ASAP3: variants seen among roughly 807,000 people sequenced by gnomAD.
ASAP3 encodes arf-GAP with SH3 domain, ANK repeat and PH domain-containing protein 3.
ASAP3 carries 85 observed loss-of-function variants against 118.2 expected under a neutral mutation model. That is an observed-to-expected ratio of 0.72 (90% CI 0.60 to 0.86). The LOEUF (loss-of-function observed/expected upper bound fraction) is 0.86. Among genes scored for constraint, ASAP3 ranks in the 40% least tolerant of loss-of-function variants. The pLI, the probability that ASAP3 is intolerant of heterozygous loss-of-function variation, is 0.00. For synonymous variants in ASAP3, 432 were observed against 477.4 expected (o/e 0.90, Z 1.24); for missense variants, 1,026 against 1,175.0 (o/e 0.87, Z 1.85).
chr1:23,480,664 T>C (rs766044488), intron 1 of ASAP3, among the ~76,000 whole-genome samples: 13 of 152,234 alleles, frequency 8.5e-5, no homozygotes, highest in Non-Finnish European at 1.6e-4. Flanking sequence ...ATGTCCTTAG[T>C]GTCCTTTATG....
Position 23,460,229 on chromosome 1 carries a change from G to A in ASAP3, c.130-4035C>T, listed in dbSNP as rs185618034. Among the ~76,000 whole-genome samples, 19 of 152,224 alleles carry A rather than the reference G, an allele frequency of 1.2e-4. No individual in the cohort carries two copies. The East Asian group carries it at 2.5e-3, about 20-fold the overall frequency. On this transcript the variant is annotated intron_variant, in intron 1 of 24. Coordinates refer to ENST00000336689, the MANE Select transcript of ASAP3 (RefSeq NM_017707.4). ...CACCAAATACTGGCAAAGGGAGGCC[G>A]GGCACGGTGGTTCACGCCTATAATC...
At chr1:23,446,744 G>C (rs143334769) in intron 5 of ASAP3, among the ~76,000 whole-genome samples, 11 of 152,122 alleles carry the variant, frequency 7.2e-5, no homozygotes, top group African/African-American at 2.7e-4. Context: ...AGCCCAATTT[G>C]TAAGTTTTAA....
intron 1 of ASAP3, among the ~76,000 whole-genome samples, chr1:23,482,136 A>C (rs769166308): frequency 9.9e-5 from 15 of 152,254 alleles, no homozygotes; most frequent in Non-Finnish European, 2.2e-4. Context: ...AAATGAGACA[A>C]GGTGAGGCTC....
intron 22 of ASAP3, 41 bp downstream of exon 22, chr1:23,433,036 T>C (rs752738972): frequency 6.2e-7 from 1 of 1,610,596 alleles, no homozygotes; most frequent in South Asian, 1.1e-5. Context: ...AGGTCCTCTG[T>C]GAATGGCATG....
intron 5 of ASAP3, among the ~76,000 whole-genome samples, chr1:23,447,447 G>A (rs556170998): frequency 2.6e-4 from 40 of 152,244 alleles, no homozygotes; most frequent in Admixed American, 7.8e-4. Flanking sequence ...AAAAACTGCC[G>A]GAATTACTTT....
At chr1:23,439,770 A>AAT (rs1169189170) in intron 10 of ASAP3, among the ~76,000 whole-genome samples, 2 of 152,178 alleles carry the variant, frequency 1.3e-5, no homozygotes, top group African/African-American at 4.8e-5. Flanking sequence ...TAGAAACATG[A>AAT]ATATATCCCA....
At chr1:23,450,753 G>A (rs905552139) in intron 5 of ASAP3, among the ~76,000 whole-genome samples, 2 of 152,074 alleles carry the variant, frequency 1.3e-5, no homozygotes, top group Non-Finnish European at 2.9e-5. Flanking sequence ...TTGGCAAAAT[G>A]CAAGAGAAAA....
rs114552291 is a variant in ASAP3, at chr1:23,437,335, C to T, written c.1152-15G>A. 2.0e-5 allele frequency: 32 copies of T among 1,608,582 alleles called. No homozygotes were observed. The Admixed American group carries it at 2.2e-4, about 11-fold the overall frequency. ...CTGACACCCACCTGCGGAGATTGAA[C>T]GGGGTGGGATGGGGATGTCAAGTGG... On this transcript the variant is annotated splice_polypyrimidine_tract_variant and intron_variant, in intron 13 of 24. Transcript: ENST00000336689. The surrounding 1 kb of genome is among the most constrained non-coding windows in gnomAD (Gnocchi z 6.1).
At chr1:23,456,252 T>C in intron 1 of ASAP3, 58 bp from the exon 2 acceptor site, 1 of 1,517,628 alleles carries the variant, frequency 6.6e-7, no homozygotes, top group Non-Finnish European at 9.1e-7. Flanking sequence ...GGTGCTTCCT[T>C]CAGGAACGCT....
chr1:23,456,786 T>G (rs372343962), intron 1 of ASAP3, among the ~76,000 whole-genome samples: 1 of 152,206 alleles, frequency 6.6e-6, no homozygotes, highest in South Asian at 2.1e-4. Flanking sequence ...GCCAGGATGC[T>G]ATGGGTGAGC....
At chr1:23,455,202 C>T (rs1050180945) in intron 3 of ASAP3, among the ~76,000 whole-genome samples, 1 of 152,180 alleles carries the variant, frequency 6.6e-6, no homozygotes, top group Non-Finnish European at 1.5e-5. Flanking sequence ...AAGGTGGAGA[C>T]AACAGTCACA....
chr1:23,483,704 G>C (rs1339610473), intron 1 of ASAP3, among the ~76,000 whole-genome samples: 8 of 152,244 alleles, frequency 5.3e-5, no homozygotes. Context: ...GAGGCTGGAA[G>C]GCGCTAGGCA....
chr1:23,482,765 G>T (rs533865432), intron 1 of ASAP3, among the ~76,000 whole-genome samples: 1 of 151,896 alleles, frequency 6.6e-6, no homozygotes, highest in Non-Finnish European at 1.5e-5. Flanking sequence ...TGGCTAACAC[G>T]GTGAAACCCC....
chr1:23,468,335 G>C lies in ASAP3; in HGVS notation c.130-12141C>G, dbSNP rs1321989411. Among the ~76,000 whole-genome samples, 9 of 152,152 alleles carry C rather than the reference G, an allele frequency of 5.9e-5. No homozygotes were observed. The East Asian group carries it at 1.7e-3, about 29-fold the overall frequency. ...ATTAGTCTGACCACATTCCAAATAT[G>C]TGCAACTCTATGATCAATAAGACAC... On this transcript the variant is annotated intron_variant, in intron 1 of 24. Transcript: ENST00000336689.
At position 23,436,485 on chromosome 1, in the gene ASAP3, C is replaced by CT. The variant is rs1447526989; in HGVS notation, c.1571+74dup. ...GCCTCCCCAGACTTCTGATCCAAGA[C>CT]TTTTCTACGACCCTGGACACTGCGG... On this transcript the variant is annotated intron_variant, in intron 16 of 24. Coordinates refer to ENST00000336689, the MANE Select transcript of ASAP3 (RefSeq NM_017707.4). The surrounding 1 kb of genome is among the most constrained non-coding windows in gnomAD (Gnocchi z 4.2). 1 of 1,544,488 alleles carries CT rather than the reference C, an allele frequency of 6.5e-7. No individual in the cohort carries two copies. The highest frequency in any genetic ancestry group is 8.9e-7 in the Non-Finnish European group (1 of 1,120,384).
intron 24 of ASAP3, 67 bp from the exon 25 acceptor site, chr1:23,429,997 C>G (rs1640367539): frequency 2.3e-6 from 3 of 1,277,648 alleles, no homozygotes; most frequent in East Asian, 4.7e-5. Context: ...TCATCTCACT[C>G]AGTTTCACAT....
chr1:23,434,510 C>CA (rs774811835), intron 18 of ASAP3, 23 bp downstream of exon 18: 21 of 1,613,588 alleles, frequency 1.3e-5, no homozygotes, highest in Non-Finnish European at 1.8e-5. Flanking sequence ...AGGAGCCAGA[C>CA]AGACAGGCAG....
chr1:23,462,975 G>C (rs1337949621), intron 1 of ASAP3, among the ~76,000 whole-genome samples: 1 of 152,096 alleles, frequency 6.6e-6, no homozygotes, highest in Non-Finnish European at 1.5e-5. Context: ...TGGACAGGCA[G>C]AAAAGAGACT....
rs762414139 is a variant in ASAP3 at position 23,436,055 on chromosome 1, G to A, written c.1572-27C>T. On this transcript the variant is annotated intron_variant, in intron 16 of 24. Coordinates refer to ENST00000336689, the MANE Select transcript of ASAP3 (RefSeq NM_017707.4). This position sits in a 1 kb window ranked among gnomAD's most constrained non-coding sequence, Gnocchi z 4.2. ...TACCAAAAACAACCACAGGATCTCA[G>A]AGCATGGACCGTGTCTGCCCAGCTG... 1.2e-6 allele frequency: 2 copies of A among 1,612,700 alleles called. No individual in the cohort carries two copies. The highest frequency in any genetic ancestry group is 1.7e-6 in the Non-Finnish European group (2 of 1,178,776).
Sources: allele counts gnomAD v4.1 joint callset (sites outside exome capture counted in the v4.1 genomes callset), GRCh38; gene constraint gnomAD v4.1.1; non-coding constraint Gnocchi (gnomAD v3.1); transcripts MANE v1.5; gene names NCBI Gene and HGNC (gene_info 2026-07-23, HGNC 2026-07-21).